Variants in CD46 observed in about 807,000 individuals in gnomAD.
CD46 encodes the protein membrane cofactor protein.
Under a neutral mutation model 53.3 loss-of-function variants are expected in CD46, and 30 were observed. The observed-to-expected ratio is 0.56, with a 90% CI of 0.42 to 0.76. The LOEUF (loss-of-function observed/expected upper bound fraction) is 0.76, where lower values mean the gene tolerates loss of function less well. Ranked by LOEUF, CD46 falls within the 30% of genes least tolerant of loss-of-function variation. CD46 has a pLI of 0.00. For synonymous variants in CD46, 142 were observed against 152.0 expected, an observed-to-expected ratio of 0.93 and a Z score of 0.48; for missense variants, 409 against 463.0, an observed-to-expected ratio of 0.88 and a Z score of 1.07.
intron 11 of CD46, 90 bp downstream of exon 11, chr1:207,785,772 GCTAT>G: frequency 5.5e-6 from 4 of 728,734 alleles, no homozygotes; most frequent in Admixed American, 2.7e-5. Flanking sequence ...TGTATTGCAT[GCTAT>G]CTTTTTTTTT....
In CD46 at chr1:207,761,299, A is replaced by G; in HGVS notation, c.526A>G (p.Ser176Gly). The change falls in exon 5 of 13, where the codon AGT becomes GGT. Residue 176 changes from serine to glycine, a missense_variant. Transcript: ENST00000367042. ...AATAAAAAATGGAAAACACACCTTT[A>G]GTGAAGTAGAAGTATTTGAGTATCT... Reference protein sequence around the residue: ...PKIKNGKHTFSEVEVFEYLDA... With the variant: ...PKIKNGKHTFGEVEVFEYLDA... 1 of 1,613,254 alleles carries G rather than the reference A, an allele frequency of 6.2e-7. No homozygotes were observed. Among genetic ancestry groups the G allele is most frequent in the Non-Finnish European group, 8.5e-7 (1 of 1,179,196 alleles).
At chr1:207,761,777 A>G (rs1319973030) in intron 5 of CD46, among the ~76,000 whole-genome samples, 1 of 152,130 alleles carries the variant, frequency 6.6e-6, no homozygotes, top group African/African-American at 2.4e-5. Context: ...CAAGAAATCT[A>G]AGAGTTCTGG....
chr1:207,793,904 TGAAATTATATTTTCTTTGTAAA>T lies in CD46; in HGVS notation c.*432_*453del. 3.4e-6 allele frequency: 1 copy of T among 293,516 alleles called. No individual in the cohort carries two copies. The highest frequency in any genetic ancestry group is 6.5e-6 in the Non-Finnish European group (1 of 154,734). The allele number at this position is 293,516 out of a possible 1,614,324, so 18.2% of individuals were successfully genotyped here. A position where few individuals can be genotyped will look rare whatever the true frequency, so the allele number is the denominator to read the frequency against. On this transcript the variant is annotated 3_prime_UTR_variant, in exon 13 of 13. Transcript: ENST00000367042. ...AAAATTAGAGAAATATAGTTCACAA[TGAAATTATATTTTCTTTGTAAA>T]GAAAGTGGCTTGAAATCTTTTTTGT...
chr1:207,790,269 G>C lies in CD46; in HGVS notation c.1099G>C (p.Glu367Gln), dbSNP rs1027208016. The change falls in exon 12 of 13, where the codon GAG becomes CAG. Residue 367 changes from glutamate (E) to glutamine (Q), a missense_variant. Transcript: ENST00000367042. ...TCTGTTCAGCACATACCTAACTGAT[G>C]AGACCCACAGAGAAGTAAAATTTAC... ...RKKKGTYLTD[E>Q]THREVKFTSL 2 of 1,587,194 alleles carry C rather than the reference G, an allele frequency of 1.3e-6. No homozygotes were observed. Among genetic ancestry groups the C allele is most frequent in the South Asian group, 1.1e-5 (1 of 90,564 alleles).
chr1:207,771,481 T>G (rs191482496), intron 8 of CD46, among the ~76,000 whole-genome samples: 1 of 152,344 alleles, frequency 6.6e-6, no homozygotes, highest in East Asian at 1.9e-4. Context: ...CGTGCCTATG[T>G]CCTGAATGGT....
rs200320376 is a variant in CD46, at chr1:207,767,671, A to C, written c.857-108A>C. On this transcript the variant is annotated intron_variant, in intron 6 of 12. Coordinates refer to ENST00000367042, the MANE Select transcript of CD46 (RefSeq NM_172351.3). Reference sequence around the variant, plus strand: ...ATTCAGGTTTAGTAGCTTCTTCCTTATATGTCTTCTTCCTTATATGTTACA... The same window carrying C: ...ATTCAGGTTTAGTAGCTTCTTCCTTCTATGTCTTCTTCCTTATATGTTACA... 5.6e-6 allele frequency: 9 copies of C among 1,608,528 alleles called. No individual in the cohort carries two copies. Among genetic ancestry groups the C allele is most frequent in the Non-Finnish European group, 7.7e-6 (9 of 1,175,110 alleles).
intron 3 of CD46, among the ~76,000 whole-genome samples, chr1:207,758,301 A>G (rs181424169): frequency 2.5e-4 from 38 of 152,306 alleles, no homozygotes; most frequent in Admixed American, 2.3e-3. Context: ...AAGAAAAGAA[A>G]TGTATTTGGC....
rs2102552865 is a variant in CD46, at chr1:207,759,718, T to C, written c.469T>C (p.Cys157Arg). Residue 157 changes from cysteine to arginine, a missense_variant, in exon 4 of 13, where the codon TGT (cysteine) becomes CGT (arginine). Transcript: ENST00000367042. ...VAIWSGKPPI[C>R]EKVLCTPPPK... ...AATTTGGAGCGGTAAGCCCCCAATA[T>C]GTGAAAGTAAGTAAATTCTTTTTTT... The C allele has an allele frequency of 6.3e-7, 1 of 1,596,940 alleles. No homozygotes were observed. Among genetic ancestry groups the C allele is most frequent in the Middle Eastern group, 1.7e-4 (1 of 6,032 alleles).
At position 207,783,311 on chromosome 1, in the gene CD46, A is replaced by G. The variant is rs747081217; in HGVS notation, c.963A>G (p.Glu321=). ...SNYPGYPKPE[E]GILDSLDVWV... is the part of the protein sequence containing the mutation. ...TCCTAGGATATCCTAAACCTGAGGA[A>G]GGAATACTTGACAGTTTGGGTTGGT... is the stretch of plus-strand genomic sequence containing the variant. Residue 321 remains glutamate (E), a synonymous_variant, in exon 9 of 13, where the codon GAA becomes GAG. Transcript: ENST00000367042. 10 of 1,531,968 alleles carry G rather than the reference A, an allele frequency of 6.5e-6. No homozygotes were observed. The highest frequency in any genetic ancestry group is 9.0e-6 in the Non-Finnish European group (10 of 1,106,174). 94.9% of individuals were successfully genotyped at this position (1,531,968 alleles called of 1,614,324 possible). A position where few individuals can be genotyped will look rare whatever the true frequency, so the allele number is the denominator to read the frequency against.
chr1:207,761,583 C>T, intron 5 of CD46, 137 bp downstream of exon 5: 1 of 721,802 alleles, frequency 1.4e-6, no homozygotes, highest in Non-Finnish European at 2.4e-6. Context: ...TATTTTAATT[C>T]AGGTCAATTC....
rs143337549 is a variant in CD46, at chr1:207,784,250, T to C, written c.983-821T>C. 6.6e-5 allele frequency among the ~76,000 whole-genome samples: 10 copies of C among 152,288 alleles called. No homozygotes were observed. In the East Asian group the frequency reaches 1.4e-3, roughly 21 times the overall value. On this transcript the variant is annotated intron_variant, in intron 9 of 12. Transcript: ENST00000367042. ...TGTAAATACCATCTGGGCAATAGAA[T>C]AATAGAAATTTATTTATGACTCACT...
At chr1:207,754,780 C>G (rs1186507613) in intron 1 of CD46, among the ~76,000 whole-genome samples, 1 of 151,932 alleles carries the variant, frequency 6.6e-6, no homozygotes, top group Non-Finnish European at 1.5e-5. Flanking sequence ...TTGCATCTCA[C>G]TGATCATTAA....
intron 5 of CD46, among the ~76,000 whole-genome samples, chr1:207,766,393 G>A (rs977369341): frequency 6.6e-6 from 1 of 152,088 alleles, no homozygotes; most frequent in East Asian, 1.9e-4. Flanking sequence ...AATAGAAATT[G>A]AACCTTATTT....
intron 8 of CD46, among the ~76,000 whole-genome samples, chr1:207,779,934 C>CTTTTTTTTTTTTTTTTTTTTTT (rs1571665179): frequency 1.1e-4 from 3 of 27,142 alleles, no homozygotes; most frequent in African/African-American, 2.7e-4. Flanking sequence ...TTTTTTTTTA[C>CTTTTTTTTTTTTTTTTTTTTTT]TGTAGTACTA....
intron 8 of CD46, among the ~76,000 whole-genome samples, chr1:207,778,412 GT>G (rs1658351127): frequency 6.6e-6 from 1 of 151,644 alleles, no homozygotes; most frequent in Non-Finnish European, 1.5e-5. Context: ...GGTTTTTATA[GT>G]TTTGGGTTTT....
In CD46 at chr1:207,752,794, A is replaced by G. The variant is rs892385258; in HGVS notation, c.97+485A>G. On this transcript the variant is annotated intron_variant, in intron 1 of 12. Coordinates refer to ENST00000367042, the MANE Select transcript of CD46 (RefSeq NM_172351.3). The surrounding 1 kb of genome is among the most constrained non-coding windows in gnomAD (Gnocchi z 4.1). ...GGTTGCAGTGCGTCTGCTGTGCCCC[A>G]TGTGCTGGGCTGGGCGAGCAGGGGC... 2.6e-5 allele frequency among the ~76,000 whole-genome samples: 4 copies of G among 152,040 alleles called. No individual in the cohort carries two copies. The highest frequency in any genetic ancestry group is 4.4e-5 in the Non-Finnish European group (3 of 67,998).
At chr1:207,769,238 A>G (rs911120408) in intron 7 of CD46, 3 of 152,418 alleles carry the variant, frequency 2.0e-5, no homozygotes, top group Non-Finnish European at 4.4e-5. Flanking sequence ...AGCCTGGGTG[A>G]CAGAGTGAGA....
intron 5 of CD46, among the ~76,000 whole-genome samples, chr1:207,764,197 T>G (rs1240925246): frequency 6.6e-6 from 1 of 152,192 alleles, no homozygotes; most frequent in Non-Finnish European, 1.5e-5. Flanking sequence ...GCACCTGCTC[T>G]GGGCACGGAC....
Position 207,793,719 on chromosome 1 carries a change from T to C in CD46, c.*242T>C, listed in dbSNP as rs1446954377. Reference sequence around the variant, plus strand: ...AGCTAATATTGCAATGTGGCTTGAATGTAGGTAGCATCCTTTGATGCTTCT... The same window carrying C: ...AGCTAATATTGCAATGTGGCTTGAACGTAGGTAGCATCCTTTGATGCTTCT... On this transcript the variant is annotated 3_prime_UTR_variant, in exon 13 of 13. Coordinates refer to ENST00000367042, the MANE Select transcript of CD46 (RefSeq NM_172351.3). The C allele has an allele frequency of 1.3e-6, 1 of 784,608 alleles. No homozygotes were observed. Among genetic ancestry groups the C allele is most frequent in the Non-Finnish European group, 2.2e-6 (1 of 444,852 alleles). The allele number at this position is 784,608 out of a possible 1,614,324, so 48.6% of individuals were successfully genotyped here. A position where few individuals can be genotyped will look rare whatever the true frequency, so the allele number is the denominator to read the frequency against.
Sources: allele counts gnomAD v4.1 joint callset (sites outside exome capture counted in the v4.1 genomes callset), GRCh38; gene constraint gnomAD v4.1.1; non-coding constraint Gnocchi (gnomAD v3.1); transcripts MANE v1.5; gene names NCBI Gene and HGNC (gene_info 2026-07-23, HGNC 2026-07-21).